Variants in GSR observed in about 807,000 individuals in gnomAD.
GSR encodes the protein glutathione reductase, mitochondrial.
GSR carries 48 observed loss-of-function variants against 56.5 expected under a neutral mutation model. That is an observed-to-expected ratio of 0.85 (90% CI 0.67 to 1.08). The LOEUF (loss-of-function observed/expected upper bound fraction) is 1.08, where lower values mean the gene tolerates loss of function less well. Ranked by LOEUF, GSR falls within the 50% of genes least tolerant of loss-of-function variation. The pLI is 0.00. For synonymous variants in GSR, 264 were observed against 270.8 expected (o/e 0.97, Z 0.25); for missense variants, 694 against 703.3 (o/e 0.99, Z 0.15).
rs903772302 is a variant in GSR, at chr8:30,679,014, T to C, written c.*506A>G. The C allele has an allele frequency of 6.4e-6, 1 of 157,460 alleles. No homozygotes were observed. Among genetic ancestry groups the C allele is most frequent in the African/African-American group, 2.4e-5 (1 of 41,350 alleles). The allele number at this position is 157,460 out of a possible 1,614,324, so 9.8% of individuals were successfully genotyped here. ...AAAATACAAAATTAGTCAGGCATGG[T>C]GGTGCGTGCCTGTAATTCCAGCTAT... is the stretch of plus-strand genomic sequence containing the variant. On this transcript the variant is annotated 3_prime_UTR_variant, in exon 13 of 13. Coordinates refer to ENST00000221130, the MANE Select transcript of GSR (RefSeq NM_000637.5).
chr8:30,685,251 C>T (rs993794770), intron 9 of GSR, among the ~76,000 whole-genome samples: 3 of 152,118 alleles, frequency 2.0e-5, no homozygotes, highest in South Asian at 2.1e-4. Context: ...TGAACCACCA[C>T]GCCTAGCCTT....
chr8:30,692,873 A>G, intron 8 of GSR, 96 bp downstream of exon 8: 1 of 787,002 alleles, frequency 1.3e-6, no homozygotes, highest in Admixed American at 1.7e-5. Flanking sequence ...ACCGGGGTAG[A>G]CATAGTGTTT....
chr8:30,720,919 T>C (rs1419123801), intron 1 of GSR, among the ~76,000 whole-genome samples: 1 of 150,906 alleles, frequency 6.6e-6, no homozygotes, highest in Non-Finnish European at 1.5e-5. Flanking sequence ...AGCCCAGGAG[T>C]TTGAGAGGAG....
Position 30,689,299 on chromosome 8 carries a change from A to C in GSR, c.903T>G (p.Thr301=), listed in dbSNP as rs1285928458. 1.1e-5 allele frequency: 18 copies of C among 1,614,016 alleles called. No individual in the cohort carries two copies. The highest frequency in any genetic ancestry group is 2.7e-5 in the African/African-American group (2 of 74,948). Residue 301 remains threonine, a synonymous_variant, in exon 9 of 13, where the codon ACT becomes ACG. Transcript: ENST00000221130. The stretch of plus-strand genomic sequence containing the variant: ...CCATGCTGACTTCCAAGCCCGACAA[A>C]GTCTTTTTAACCTCCTTGACCTATT... ...KFSQVKEVKK[T]LSGLEVSMVT...
chr8:30,679,527 A>C lies in GSR; in HGVS notation c.1562T>G (p.Leu521Arg). The C allele has an allele frequency of 6.2e-7, 1 of 1,614,058 alleles. No homozygotes were observed. The highest frequency in any genetic ancestry group is 1.1e-5 in the South Asian group (1 of 91,082). The change falls in exon 13 of 13, where the codon CTT (leucine) becomes CGT (arginine). Residue 521 changes from leucine (L) to arginine (R), a missense_variant. Leu to Arg is a moderately radical substitution (Grantham distance 102). Coordinates refer to ENST00000221130, the MANE Select transcript of GSR (RefSeq NM_000637.5). ...ACACGTGTCTCCTGGTTCTCAACGA[A>C]GTGTGACCAGCTCTTCTGAAGAGGT... ...HPTSSEELVT[L>R]R
chr8:30,680,980 G>A lies in GSR; in HGVS notation c.1343C>T (p.Thr448Ile). Reference protein sequence around the residue: ...ENVKTYSTSFTPMYHAVTKRK... With the variant: ...ENVKTYSTSFIPMYHAVTKRK... ...TTTGGTAACTGCGTGATACATCGGG[G>A]TAAAGCTCGTTGAATAGGTCTTCAC... The change falls in exon 12 of 13, where the codon ACC (threonine) becomes ATC (isoleucine). Residue 448 changes from threonine to isoleucine, a missense_variant. Transcript: ENST00000221130. 1.2e-6 allele frequency: 2 copies of A among 1,609,882 alleles called. No homozygotes were observed.
chr8:30,719,464 T>C (rs1235764606), intron 1 of GSR, among the ~76,000 whole-genome samples: 1 of 151,838 alleles, frequency 6.6e-6, no homozygotes, highest in Admixed American at 6.6e-5. Flanking sequence ...TTGACCAGGC[T>C]GGTCTCAAAC....
chr8:30,707,939 A>T, intron 4 of GSR, 133 bp downstream of exon 4: 1 of 551,272 alleles, frequency 1.8e-6, no homozygotes, highest in Non-Finnish European at 3.1e-6. Context: ...CCTGGGCGAC[A>T]GAGCGAGACC....
intron 4 of GSR, among the ~76,000 whole-genome samples, chr8:30,704,406 C>G (rs1472634863): frequency 6.6e-6 from 1 of 152,136 alleles, no homozygotes; most frequent in Non-Finnish European, 1.5e-5. Flanking sequence ...GAGGCAAGAG[C>G]AAGAGAGGAA....
chr8:30,682,160 T>C lies in GSR; in HGVS notation c.1154-99A>G, dbSNP rs191577600. The C allele has an allele frequency of 5.6e-5, 53 of 945,460 alleles. No individual in the cohort carries two copies. The East Asian group carries it at 1.2e-3, about 21-fold the overall frequency. The allele number at this position is 945,460 out of a possible 1,614,324, so 58.6% of individuals were successfully genotyped here. ...TTATCCATCTACCTTAATGCCCTAGTTCTGACAGTTTCACACCATTGTTCA... is the reference window on the plus strand; with the variant it reads ...TTATCCATCTACCTTAATGCCCTAGCTCTGACAGTTTCACACCATTGTTCA... On this transcript the variant is annotated intron_variant, in intron 10 of 12. Transcript: ENST00000221130.
intron 6 of GSR, 144 bp downstream of exon 6, chr8:30,699,937 A>G (rs1050862539): frequency 7.9e-6 from 6 of 758,404 alleles, no homozygotes; most frequent in Non-Finnish European, 1.5e-5. Flanking sequence ...GGAATGAGAT[A>G]TACAAGGTCA....
chr8:30,679,493 C>T lies in GSR; in HGVS notation c.*27G>A, dbSNP rs767063881. 1.9e-6 allele frequency: 3 copies of T among 1,610,668 alleles called. No individual in the cohort carries two copies. The highest frequency in any genetic ancestry group is 1.1e-5 in the South Asian group (1 of 90,986). On this transcript the variant is annotated 3_prime_UTR_variant, in exon 13 of 13. Transcript: ENST00000221130. ...CATTTCAGAAGATCTATGGGTCCCA[C>T]TGCCCGCCACACGTGTCTCCTGGTT...
chr8:30,686,257 G>T (rs1803157204), intron 9 of GSR, among the ~76,000 whole-genome samples: 2 of 151,824 alleles, frequency 1.3e-5, no homozygotes, highest in African/African-American at 4.8e-5. Context: ...CTTGCCGGTT[G>T]TTGGCAAGAT....
rs8191040 is a variant in GSR, at chr8:30,679,276, T to G, written c.*244A>C. ...AAAAAAACTAGCACAGAGCTGTTAATAAAAAAAAAACTTGAAAATATTAAT... is the reference window on the plus strand; with the variant it reads ...AAAAAAACTAGCACAGAGCTGTTAAGAAAAAAAAAACTTGAAAATATTAAT... On this transcript the variant is annotated 3_prime_UTR_variant, in exon 13 of 13. Coordinates refer to ENST00000221130, the MANE Select transcript of GSR (RefSeq NM_000637.5). 1,901 of 454,544 alleles carry G rather than the reference T, an allele frequency of 4.2e-3. 32 individuals carry two copies. Among genetic ancestry groups the G allele is most frequent in the African/African-American group, 0.035 (1,736 of 48,964 alleles). 28.2% of individuals were successfully genotyped at this position (454,544 alleles called of 1,614,324 possible). A position where few individuals can be genotyped will look rare whatever the true frequency, so the allele number is the denominator to read the frequency against.
chr8:30,708,040 C>T, intron 4 of GSR, 32 bp downstream of exon 4: 1 of 1,460,610 alleles, frequency 6.8e-7, no homozygotes, highest in Non-Finnish European at 9.6e-7. Flanking sequence ...GGGAACAGCT[C>T]TTTCTCAAAG....
chr8:30,716,622 A>T (rs1933379263), intron 1 of GSR, among the ~76,000 whole-genome samples: 1 of 152,202 alleles, frequency 6.6e-6, no homozygotes, highest in African/African-American at 2.4e-5. Context: ...AGCCTGGGCA[A>T]CAAGGTGAAA....
intron 10 of GSR, among the ~76,000 whole-genome samples, chr8:30,683,047 C>T (rs1280567312): frequency 6.6e-6 from 1 of 151,918 alleles, no homozygotes; most frequent in Non-Finnish European, 1.5e-5. Context: ...AGGAAGGTCT[C>T]GATCTCTGGA....
intron 2 of GSR, among the ~76,000 whole-genome samples, chr8:30,710,383 A>T (rs1190746885): frequency 6.6e-6 from 1 of 151,438 alleles, no homozygotes; most frequent in Admixed American, 6.6e-5. Context: ...ATTTTTTTTT[A>T]AAGAGATAAG....
chr8:30,708,829 G>T (rs1377794849), intron 3 of GSR, among the ~76,000 whole-genome samples: 7 of 151,852 alleles, frequency 4.6e-5, no homozygotes, highest in African/African-American at 1.7e-4. Flanking sequence ...CATGCTGGTG[G>T]GTGCCTGTAG....
Sources: allele counts gnomAD v4.1 joint callset (sites outside exome capture counted in the v4.1 genomes callset), GRCh38; gene constraint gnomAD v4.1.1; transcripts MANE v1.5; gene names NCBI Gene and HGNC (gene_info 2026-07-23, HGNC 2026-07-21).